ZNF827: variants seen among roughly 807,000 people sequenced by gnomAD.
ZNF827 encodes zinc finger protein 827.
Under a neutral mutation model 102.4 loss-of-function variants are expected in ZNF827, and 13 were observed. The ratio of observed to expected loss-of-function variants is 0.13; its 90% confidence interval spans 0.08 to 0.20. ZNF827 has a LOEUF of 0.20. Ranked by LOEUF, ZNF827 falls within the 10% of genes least tolerant of loss-of-function variation. The pLI is 1.00. For synonymous variants in ZNF827, 523 were observed against 536.2 expected (o/e 0.98, Z 0.34); for missense variants, 1,103 against 1,344.4 (o/e 0.82, Z 2.81).
At chr4:145,769,102 T>C (rs1163296910) in intron 11 of ZNF827, among the ~76,000 whole-genome samples, 1 of 151,578 alleles carries the variant, frequency 6.6e-6, no homozygotes, top group Non-Finnish European at 1.5e-5. Flanking sequence ...CAAATCCTTT[T>C]CCTGTCAGAA....
At position 145,774,582 on chromosome 4, in the gene ZNF827, C is replaced by T. The variant is rs151291781; in HGVS notation, c.2784G>A (p.Ser928=). 2.0e-4 allele frequency: 327 copies of T among 1,613,348 alleles called. No individual in the cohort carries two copies. In the East Asian group the frequency reaches 3.3e-3, roughly 16 times the overall value. The stretch of plus-strand genomic sequence containing the variant: ...CGAAGTCGCAGGCAGTGCAGCAGAT[C>T]GAAAACATCCACTGCTCCTTGTCCA... The part of the protein sequence containing the change: ...LHVDKEQWMF[S]ICCTACDFVT... Residue 928 remains serine (S), a synonymous_variant, in exon 11 of 15, where the codon TCG becomes TCA. Transcript: ENST00000508784.
chr4:145,817,084 C>T (rs1440757786), intron 8 of ZNF827, among the ~76,000 whole-genome samples: 1 of 152,162 alleles, frequency 6.6e-6, no homozygotes, highest in Non-Finnish European at 1.5e-5. Flanking sequence ...GATGAATTTT[C>T]ACAAAATTAC....
In ZNF827 at chr4:145,846,079, C is replaced by G. The variant is rs574076439; in HGVS notation, c.2222-66G>C. The G allele has an allele frequency of 3.3e-6, 5 of 1,530,112 alleles. No individual in the cohort carries two copies. In the African/African-American group the frequency reaches 6.9e-5, roughly 21 times the overall value. The allele number at this position is 1,530,112 out of a possible 1,614,324, so 94.8% of individuals were successfully genotyped here. ...TCTCACTCAACTTGCATCTTTTAGC[C>G]TTAAGCAGAAAAACCCTCAACATCT... On this transcript the variant is annotated intron_variant, in intron 6 of 14. Transcript: ENST00000508784.
chr4:145,858,292 C>T (rs1747367099), intron 5 of ZNF827, among the ~76,000 whole-genome samples: 1 of 151,742 alleles, frequency 6.6e-6, no homozygotes, highest in Admixed American at 6.6e-5. Context: ...TGAGACGGTA[C>T]ATTAAAGTCA....
chr4:145,793,326 ATC>A (rs1401509404), intron 8 of ZNF827, among the ~76,000 whole-genome samples: 1 of 135,384 alleles, frequency 7.4e-6, no homozygotes, highest in East Asian at 2.0e-4. Context: ...TATAATATAT[ATC>A]TTATATATAT....
chr4:145,917,215 G>T (rs1752722225), intron 1 of ZNF827, among the ~76,000 whole-genome samples: 1 of 152,084 alleles, frequency 6.6e-6, no homozygotes, highest in Non-Finnish European at 1.5e-5. Context: ...TACAGCAAGA[G>T]CCCCACTTCT....
intron 7 of ZNF827, among the ~76,000 whole-genome samples, chr4:145,829,959 T>G (rs1178068302): frequency 6.6e-6 from 1 of 152,230 alleles, no homozygotes; most frequent in Non-Finnish European, 1.5e-5. Context: ...GCATTAACAT[T>G]TTGAAGTGTA....
chr4:145,843,439 AT>A (rs1015612676), intron 7 of ZNF827, among the ~76,000 whole-genome samples: 4 of 152,020 alleles, frequency 2.6e-5, no homozygotes, highest in African/African-American at 9.7e-5. Context: ...GGTTAAAAAA[AT>A]TTTTTTTCTC....
At chr4:145,937,551 C>T (rs1754292978) in intron 1 of ZNF827, among the ~76,000 whole-genome samples, 1 of 147,096 alleles carries the variant, frequency 6.8e-6, no homozygotes, top group Non-Finnish European at 1.5e-5. Context: ...CGGCCTCGCC[C>T]CCCGCCCGGC....
chr4:145,779,108 T>A (rs76834504), intron 9 of ZNF827, among the ~76,000 whole-genome samples: 2 of 152,226 alleles, frequency 1.3e-5, no homozygotes, highest in African/African-American at 4.8e-5. Context: ...ACATTTTTTT[T>A]AACAGAGTTT....
At chr4:145,803,819 C>T (rs1483406386) in intron 8 of ZNF827, among the ~76,000 whole-genome samples, 4 of 152,182 alleles carry the variant, frequency 2.6e-5, no homozygotes, top group African/African-American at 7.2e-5. Context: ...ATGACTTAAA[C>T]GCATTCAGAG....
intron 9 of ZNF827, 86 bp from the exon 10 acceptor site, chr4:145,776,046 A>G: frequency 6.7e-7 from 1 of 1,485,078 alleles, no homozygotes; most frequent in Non-Finnish European, 9.3e-7. Flanking sequence ...AAAGGTATCA[A>G]GGAAAGAATG....
chr4:145,775,427 C>CT (rs879787507), intron 10 of ZNF827, among the ~76,000 whole-genome samples: 101 of 145,516 alleles, frequency 6.9e-4, no homozygotes, highest in East Asian at 2.8e-3. Context: ...ATTTCCTCAG[C>CT]TTTTTTTTTT....
chr4:145,821,472 T>G (rs1243120253), intron 8 of ZNF827, among the ~76,000 whole-genome samples: 2 of 152,218 alleles, frequency 1.3e-5, no homozygotes, highest in Non-Finnish European at 2.9e-5. Flanking sequence ...TTATGAGAAC[T>G]TCATGACCAC....
chr4:145,854,146 TGGAAGTCTTCCTCACTAGGAGTAA>T (rs1258840474), intron 5 of ZNF827, among the ~76,000 whole-genome samples: 1 of 151,908 alleles, frequency 6.6e-6, no homozygotes, highest in Non-Finnish European at 1.5e-5. Flanking sequence ...ACTAGGAGTT[TGGAAGTCTTCCTCACTAGGAGTAA>T]GGAAACTACC....
At chr4:145,776,192 C>T (rs1419781777) in intron 9 of ZNF827, among the ~76,000 whole-genome samples, 1 of 152,128 alleles carries the variant, frequency 6.6e-6, no homozygotes, top group Non-Finnish European at 1.5e-5. Context: ...CACTGTGGCT[C>T]ACACCTGTAA....
At chr4:145,801,970 C>G (rs956929621) in intron 8 of ZNF827, among the ~76,000 whole-genome samples, 2 of 152,074 alleles carry the variant, frequency 1.3e-5, no homozygotes, top group Non-Finnish European at 2.9e-5. Flanking sequence ...AGGAAAAGAT[C>G]ATTTTAGAAA....
intron 7 of ZNF827, among the ~76,000 whole-genome samples, chr4:145,844,624 G>C (rs528104217): frequency 6.6e-6 from 1 of 151,436 alleles, no homozygotes; most frequent in Admixed American, 6.6e-5. Flanking sequence ...AGGCTGCAGT[G>C]AGCCAAAACT....
chr4:145,894,373 G>A (rs1750822283), intron 2 of ZNF827, among the ~76,000 whole-genome samples: 1 of 152,084 alleles, frequency 6.6e-6, no homozygotes, highest in African/African-American at 2.4e-5. Context: ...GGAAACTTGT[G>A]TTTTCATTTC....
Sources: gnomAD v4.1 joint callset for allele counts (sites outside exome capture counted in the v4.1 genomes callset) on GRCh38, gnomAD v4.1.1 for gene constraint, MANE v1.5 for transcripts, NCBI Gene and HGNC (gene_info 2026-07-23, HGNC 2026-07-21) for gene names.